ERMARD: variants seen among roughly 807,000 people sequenced by gnomAD.
ERMARD encodes the protein endoplasmic reticulum membrane-associated RNA degradation protein.
Under a neutral mutation model 83.9 loss-of-function variants are expected in ERMARD, and 71 were observed. That is an observed-to-expected ratio of 0.85 (90% confidence interval 0.70 to 1.03). The LOEUF is 1.03. ERMARD is among the 50% of genes least tolerant of loss of function. ERMARD has a pLI of 0.00. For missense variants in ERMARD, 838 were observed against 810.9 expected (o/e 1.03, Z -0.41); for synonymous variants, 284 against 298.6 (o/e 0.95, Z 0.50).
intron 7 of ERMARD, among the ~76,000 whole-genome samples, 183 bp downstream of exon 7, chr6:169,760,157 A>G (rs1240613095): frequency 6.6e-6 from 1 of 152,038 alleles, no homozygotes; most frequent in Non-Finnish European, 1.5e-5. Context: ...GCCTCCTCCC[A>G]CCATGCCCTG....
At chr6:169,781,231 G>T in intron 17 of ERMARD, 99 bp from the exon 18 acceptor site, 1 of 1,122,930 alleles carries the variant, frequency 8.9e-7, no homozygotes, top group South Asian at 1.7e-5. Context: ...ATTAACTGCA[G>T]TTTACTTTAG....
At chr6:169,768,228 C>T in intron 11 of ERMARD, 57 bp downstream of exon 11, 5 of 1,473,826 alleles carry the variant, frequency 3.4e-6, no homozygotes, top group Non-Finnish European at 4.7e-6. Context: ...GTCGTCAGCA[C>T]TTCTCTAAAA....
chr6:169,751,989 C>T, intron 1 of ERMARD: 1 of 406,018 alleles, frequency 2.5e-6, no homozygotes, highest in Non-Finnish European at 4.3e-6. Flanking sequence ...GCAGGTCGGG[C>T]TCTCACCTGA....
rs529885542 is a variant in ERMARD, at chr6:169,775,732, G to A, written c.1395-208G>A. On this transcript the variant is annotated intron_variant, in intron 14 of 17. Transcript: ENST00000366773. ...AGGAAGAATACGCAGGTGGTTCATC[G>A]TCTCGTCGTCACTGGACTTTGCTCT... 7 of 646,792 alleles carry A rather than the reference G, an allele frequency of 1.1e-5. No individual in the cohort carries two copies. The East Asian group carries it at 1.4e-4, about 13-fold the overall frequency. The allele number at this position is 646,792 out of a possible 1,614,324, so 40.1% of individuals were successfully genotyped here. A position where few individuals can be genotyped will look rare whatever the true frequency, so the allele number is the denominator to read the frequency against.
At chr6:169,763,602 C>T (rs372919571) in intron 9 of ERMARD, among the ~76,000 whole-genome samples, 5 of 152,230 alleles carry the variant, frequency 3.3e-5, no homozygotes, top group East Asian at 1.9e-4. Context: ...CTCCACACCT[C>T]GGATTCTCGT....
rs530944553 is a variant in ERMARD at position 169,759,711 on chromosome 6, C to T, written c.606-127C>T. 2,744 of 921,752 alleles carry T rather than the reference C, an allele frequency of 3.0e-3. 10 individuals are homozygous for T. The highest frequency in any genetic ancestry group is 3.8e-3 in the Non-Finnish European group (2,299 of 608,124). The allele number at this position is 921,752 out of a possible 1,614,324, so 57.1% of individuals were successfully genotyped here. ...TTCTGGGATTACAGGCATGAGCCAC[C>T]GTGATCGGACAGTTTCATGCAATTT... On this transcript the variant is annotated intron_variant, in intron 6 of 17. Coordinates refer to ENST00000366773, the MANE Select transcript of ERMARD (RefSeq NM_018341.3).
At chr6:169,763,351 T>C (rs149957995) in intron 9 of ERMARD, among the ~76,000 whole-genome samples, 1 of 152,170 alleles carries the variant, frequency 6.6e-6, no homozygotes, top group African/African-American at 2.4e-5. Context: ...GCCTTCCTTA[T>C]GGAGACTACT....
At chr6:169,755,120 T>C (rs1274337866) in intron 2 of ERMARD, among the ~76,000 whole-genome samples, 163 bp from the exon 3 acceptor site, 2 of 152,248 alleles carry the variant, frequency 1.3e-5, no homozygotes, top group East Asian at 3.8e-4. Context: ...ATTATGTGAT[T>C]TATTTCCAAC....
At chr6:169,761,235 G>T (rs534232346) in intron 8 of ERMARD, among the ~76,000 whole-genome samples, 1 of 151,986 alleles carries the variant, frequency 6.6e-6, no homozygotes, top group Non-Finnish European at 1.5e-5. Flanking sequence ...TTTTCTTTTT[G>T]AGACTGGGTC....
Position 169,779,201 on chromosome 6 carries a change from G to C in ERMARD, c.1759G>C (p.Val587Leu), listed in dbSNP as rs780278109. ...MWSSIRLLSP[V>L]LSLILLLIAL... ...TTTTAGTATCAGACTACTGTCCCCT[G>C]TGCTCAGCCTGATACTGTTACTCAT... Residue 587 changes from valine to leucine, a missense_variant, in exon 17 of 18, where the codon GTG becomes CTG. Transcript: ENST00000366773. The C allele has an allele frequency of 1.5e-5, 24 of 1,614,098 alleles. No homozygotes were observed. The highest frequency in any genetic ancestry group is 1.9e-5 in the Non-Finnish European group (22 of 1,180,034).
At chr6:169,764,024 A>T (rs964435911) in intron 9 of ERMARD, among the ~76,000 whole-genome samples, 1 of 151,928 alleles carries the variant, frequency 6.6e-6, no homozygotes, top group Non-Finnish European at 1.5e-5. Flanking sequence ...TCCCTCTGTC[A>T]TCTCAGCCTC....
chr6:169,774,405 G>A lies in ERMARD; in HGVS notation c.1318-865G>A, dbSNP rs116202720. 1.6e-3 allele frequency among the ~76,000 whole-genome samples: 244 copies of A among 152,324 alleles called. 1 individual carries two copies. The highest frequency in any genetic ancestry group is 5.6e-3 in the African/African-American group (233 of 41,572). On this transcript the variant is annotated intron_variant, in intron 13 of 17. Coordinates refer to ENST00000366773, the MANE Select transcript of ERMARD (RefSeq NM_018341.3). The stretch of plus-strand genomic sequence containing the variant: ...AGTGGGGATGCCGTGCTTTCCAAGA[G>A]CAAGCCCTTACGAAGGTGGAGGTGG...
intron 5 of ERMARD, among the ~76,000 whole-genome samples, chr6:169,758,295 A>G (rs1255568047): frequency 6.6e-6 from 1 of 152,136 alleles, no homozygotes; most frequent in South Asian, 2.1e-4. Flanking sequence ...ATCTTCCATT[A>G]TGTTCTGAGT....
At position 169,760,680 on chromosome 6, in the gene ERMARD, A is replaced by G; in HGVS notation, c.781A>G (p.Met261Val). ...GGTGCTTTCAGTATTAGAAGAAGTG[A>G]TGATGAAATCTGCTTTTATATTAAA... is the stretch of plus-strand genomic sequence containing the variant. ...YEVLSVLEEV[M>V]MKSAFILKIM... The change falls in exon 8 of 18, where the codon ATG (methionine) becomes GTG (valine). Residue 261 changes from methionine (M) to valine (V), a missense_variant. Met to Val is a conservative substitution (Grantham distance 21). Coordinates refer to ENST00000366773, the MANE Select transcript of ERMARD (RefSeq NM_018341.3). 1.9e-6 allele frequency: 3 copies of G among 1,613,794 alleles called. No homozygotes were observed. The highest frequency in any genetic ancestry group is 1.1e-5 in the South Asian group (1 of 91,050).
rs754227249 is a variant in ERMARD, at chr6:169,776,678, G to A, written c.1739+5G>A. On this transcript the variant is annotated splice_donor_5th_base_variant and intron_variant, in intron 16 of 17. Coordinates refer to ENST00000366773, the MANE Select transcript of ERMARD (RefSeq NM_018341.3). ...CTACCTGCGTATGTGGAGTAGGTGC[G>A]CGCTCACTTTCCTGTTTTGGAGGGG... is the stretch of plus-strand genomic sequence containing the variant. The A allele has an allele frequency of 8.1e-6, 13 of 1,612,788 alleles. No individual in the cohort carries two copies. In the South Asian group the frequency reaches 1.1e-4, roughly 14 times the overall value.
intron 13 of ERMARD, among the ~76,000 whole-genome samples, chr6:169,774,004 G>A (rs865988157): frequency 4.6e-5 from 7 of 152,258 alleles, no homozygotes; most frequent in Middle Eastern, 3.4e-3. Flanking sequence ...ATCAACACAC[G>A]GCGGGTCAGG....
intron 5 of ERMARD, among the ~76,000 whole-genome samples, chr6:169,758,643 C>A (rs1413977000): frequency 1.3e-5 from 2 of 152,194 alleles, no homozygotes; most frequent in Non-Finnish European, 2.9e-5. Flanking sequence ...TAACCTGGGT[C>A]AGATCTTATC....
intron 10 of ERMARD, chr6:169,767,042 G>A (rs112511356): frequency 0.016 from 2,753 of 172,150 alleles, 83 homozygotes; most frequent in African/African-American, 0.061. Context: ...GCATGTTGGC[G>A]GTGTGAATAG....
intron 5 of ERMARD, among the ~76,000 whole-genome samples, chr6:169,757,499 T>C (rs1563011319): frequency 6.6e-6 from 1 of 152,226 alleles, no homozygotes; most frequent in Non-Finnish European, 1.5e-5. Context: ...TTGAAAATTT[T>C]AACGTGAAAT....
Sources: gnomAD v4.1 joint callset for allele counts (sites outside exome capture counted in the v4.1 genomes callset) on GRCh38, gnomAD v4.1.1 for gene constraint, MANE v1.5 for transcripts, NCBI Gene and HGNC (gene_info 2026-07-23, HGNC 2026-07-21) for gene names.